MCF2L2: variants seen among roughly 807,000 people sequenced by gnomAD.
The protein encoded by MCF2L2 is probable guanine nucleotide exchange factor MCF2L2.
A neutral mutation model predicts 150.2 loss-of-function variants in MCF2L2; 102 were observed. That is an observed-to-expected ratio of 0.68 (90% CI 0.58 to 0.80). The LOEUF is 0.80. Ranked by LOEUF, MCF2L2 falls within the 30% of genes least tolerant of loss-of-function variation. The pLI is 0.00. For synonymous variants in MCF2L2, 465 were observed against 491.3 expected (o/e 0.95, Z 0.71); for missense variants, 1,256 against 1,372.8 (o/e 0.91, Z 1.34).
chr3:183,416,973 G>A (rs866510210), intron 1 of MCF2L2, among the ~76,000 whole-genome samples: 15 of 151,600 alleles, frequency 9.9e-5, no homozygotes, highest in South Asian at 2.1e-4. Flanking sequence ...TTAGCTTGGC[G>A]TGGTGGGGCG....
chr3:183,391,462 G>A (rs558242509), intron 1 of MCF2L2, among the ~76,000 whole-genome samples: 5 of 152,304 alleles, frequency 3.3e-5, no homozygotes, highest in African/African-American at 1.2e-4. Context: ...TTCGGTGGGT[G>A]TAATAACGGC....
intron 1 of MCF2L2, among the ~76,000 whole-genome samples, chr3:183,406,258 G>A (rs13059509): frequency 0.26 from 39,465 of 151,984 alleles, 6,013 homozygotes; most frequent in Non-Finnish European, 0.36. Flanking sequence ...TCTTGGTATC[G>A]TCATTTTTTT....
At chr3:183,218,466 A>G (rs1723025808) in intron 21 of MCF2L2, among the ~76,000 whole-genome samples, 1 of 152,050 alleles carries the variant, frequency 6.6e-6, no homozygotes, top group Admixed American at 6.5e-5. Context: ...GTGAAACCCC[A>G]TCTCTACTAA....
intron 15 of MCF2L2, among the ~76,000 whole-genome samples, chr3:183,245,223 A>T (rs1724195814): frequency 6.6e-6 from 1 of 152,224 alleles, no homozygotes; most frequent in Admixed American, 6.5e-5. Context: ...TGATTAACTA[A>T]CAGTTAATGT....
At chr3:183,325,161 A>C (rs1376094047) in intron 5 of MCF2L2, among the ~76,000 whole-genome samples, 5 of 150,994 alleles carry the variant, frequency 3.3e-5, no homozygotes, top group African/African-American at 1.2e-4. Context: ...AGATATACCT[A>C]ATGCTAAATG....
chr3:183,402,087 T>C (rs1223702777), intron 1 of MCF2L2, among the ~76,000 whole-genome samples: 1 of 152,168 alleles, frequency 6.6e-6, no homozygotes, highest in Non-Finnish European at 1.5e-5. Context: ...TCTTTGTTGT[T>C]GTTAAAAGTA....
chr3:183,339,900 C>T (rs942184809), intron 4 of MCF2L2, among the ~76,000 whole-genome samples: 1 of 152,176 alleles, frequency 6.6e-6, no homozygotes, highest in African/African-American at 2.4e-5. Flanking sequence ...CCCTGCACTA[C>T]AGCATGTTTT....
At position 183,195,495 on chromosome 3, in the gene MCF2L2, T is replaced by C. The variant is rs972772386; in HGVS notation, c.2885-240A>G. Among the ~76,000 whole-genome samples the C allele has an allele frequency of 2.6e-5, 4 of 152,292 alleles. 1 individual carries two copies. Among genetic ancestry groups the C allele is most frequent in the African/African-American group, 2.4e-5 (1 of 41,568 alleles). ...ACCCCATCCTGCTGAGTTTCTGGCA[T>C]GCATTGGTTCTGGGTCTGTCCAAGT... On this transcript the variant is annotated intron_variant, in intron 25 of 29. Coordinates refer to ENST00000328913, the MANE Select transcript of MCF2L2 (RefSeq NM_015078.4).
At chr3:183,375,150 G>GT (rs1305427344) in intron 3 of MCF2L2, 1 of 152,174 alleles carries the variant, frequency 6.6e-6, no homozygotes, top group Non-Finnish European at 1.5e-5. Context: ...AGAATAATAA[G>GT]TTTTGTCACA....
chr3:183,212,587 A>T (rs1486483006), intron 22 of MCF2L2, among the ~76,000 whole-genome samples: 1 of 152,138 alleles, frequency 6.6e-6, no homozygotes, highest in Non-Finnish European at 1.5e-5. Flanking sequence ...TGGCTGAGAG[A>T]GTGAATCTAG....
intron 5 of MCF2L2, among the ~76,000 whole-genome samples, chr3:183,326,509 A>AC (rs1317519571): frequency 6.0e-5 from 8 of 132,518 alleles, no homozygotes; most frequent in South Asian, 2.3e-4. Flanking sequence ...AAAAAAAAAA[A>AC]AAAAAAACAA....
chr3:183,384,002 C>G (rs554920381), intron 2 of MCF2L2, among the ~76,000 whole-genome samples: 202 of 152,284 alleles, frequency 1.3e-3, no homozygotes, highest in African/African-American at 4.7e-3. Context: ...TCCCCAGACA[C>G]GCATAACAAC....
chr3:183,308,348 A>C (rs1206701939), intron 10 of MCF2L2, among the ~76,000 whole-genome samples: 1 of 152,238 alleles, frequency 6.6e-6, no homozygotes, highest in African/African-American at 2.4e-5. Flanking sequence ...TATAGTATCT[A>C]TATTCAGTAA....
At chr3:183,183,242 C>T (rs539774314) in intron 27 of MCF2L2, among the ~76,000 whole-genome samples, 46 of 152,298 alleles carry the variant, frequency 3.0e-4, no homozygotes, top group Admixed American at 7.8e-4. Context: ...ACTGATCTGC[C>T]CACCTCAGCC....
chr3:183,420,458 C>T (rs1026886831), intron 1 of MCF2L2, among the ~76,000 whole-genome samples: 1 of 152,050 alleles, frequency 6.6e-6, no homozygotes. Context: ...ATTAGCCGGG[C>T]GTTGTGGCGG....
chr3:183,277,847 A>G (rs1018681240), intron 14 of MCF2L2, among the ~76,000 whole-genome samples: 7 of 151,742 alleles, frequency 4.6e-5, no homozygotes, highest in Admixed American at 3.9e-4. Flanking sequence ...TCCCTCTAAT[A>G]TATATATCTG....
At chr3:183,182,502 T>G (rs922883752) in intron 27 of MCF2L2, 1 of 152,232 alleles carries the variant, frequency 6.6e-6, no homozygotes. Context: ...TATTTACCCT[T>G]AGAGTGTGTG....
At chr3:183,350,877 C>A (rs1731087456) in intron 3 of MCF2L2, among the ~76,000 whole-genome samples, 1 of 150,844 alleles carries the variant, frequency 6.6e-6, no homozygotes, top group Admixed American at 6.6e-5. Context: ...GCACTCCAGC[C>A]TGGGCGACAG....
intron 3 of MCF2L2, among the ~76,000 whole-genome samples, chr3:183,355,929 C>G (rs951722602): frequency 1.3e-5 from 2 of 152,074 alleles, no homozygotes; most frequent in South Asian, 2.1e-4. Flanking sequence ...GGGCAGTGGG[C>G]CCCTCCTTCC....
Sources: gnomAD v4.1 joint callset for allele counts (sites outside exome capture counted in the v4.1 genomes callset) on GRCh38, gnomAD v4.1.1 for gene constraint, MANE v1.5 for transcripts, NCBI Gene and HGNC (gene_info 2026-07-23, HGNC 2026-07-21) for gene names.